Variants in KLF12 observed in about 807,000 individuals in gnomAD.
KLF12 encodes KLF transcription factor 12.
A neutral mutation model predicts 37.8 loss-of-function variants in KLF12; 9 were observed. The observed-to-expected ratio is 0.24, with a 90% CI of 0.14 to 0.42. The LOEUF is 0.42. Among genes scored for constraint, KLF12 ranks in the 10% least tolerant of loss-of-function variants. The pLI is 1.00. For synonymous variants in KLF12, 208 were observed against 202.1 expected (o/e 1.03, Z -0.25); for missense variants, 411 against 516.0 (o/e 0.80, Z 1.97).
At chr13:74,037,847 G>T (rs144042781) in intron 1 of KLF12, among the ~76,000 whole-genome samples, 3 of 152,232 alleles carry the variant, frequency 2.0e-5, no homozygotes, top group African/African-American at 4.8e-5. Context: ...CTTAATAACA[G>T]AAACATCTTA....
chr13:73,936,994 A>C (rs1034424156), intron 3 of KLF12, among the ~76,000 whole-genome samples: 12 of 152,256 alleles, frequency 7.9e-5, no homozygotes, highest in African/African-American at 2.9e-4. Flanking sequence ...GATCGAGACC[A>C]TCCTGGTCAA....
the KLF12 span, among the ~76,000 whole-genome samples, chr13:74,296,840 A>G: frequency 6.6e-6 from 1 of 152,170 alleles, no homozygotes. Context: ...GGGAACTGCT[A>G]TTTGTAACAG....
the KLF12 span, among the ~76,000 whole-genome samples, chr13:74,253,055 T>C: frequency 6.6e-6 from 1 of 152,130 alleles, no homozygotes; most frequent in African/African-American, 2.4e-5. Context: ...ATCTATCATC[T>C]ATCTATCATC....
At chr13:74,016,188 C>A (rs1410597421) in intron 1 of KLF12, among the ~76,000 whole-genome samples, 1 of 151,898 alleles carries the variant, frequency 6.6e-6, no homozygotes, top group African/African-American at 2.4e-5. Context: ...TGGATAAGTT[C>A]CTCCCAAGAG....
At chr13:74,199,446 G>T in the KLF12 span, among the ~76,000 whole-genome samples, 1 of 152,118 alleles carries the variant, frequency 6.6e-6, no homozygotes, top group Non-Finnish European at 1.5e-5. Flanking sequence ...TGAATTATTA[G>T]CCCTGCTGTA....
chr13:74,169,260 C>T, the KLF12 span, among the ~76,000 whole-genome samples: 1 of 152,134 alleles, frequency 6.6e-6, no homozygotes, highest in Non-Finnish European at 1.5e-5. Context: ...TGCAAGAGTT[C>T]TGTTCAGATA....
intron 1 of KLF12, among the ~76,000 whole-genome samples, chr13:74,012,447 T>C (rs1245620333): frequency 6.6e-6 from 1 of 152,192 alleles, no homozygotes; most frequent in Non-Finnish European, 1.5e-5. Flanking sequence ...CTTTTTTAAA[T>C]TGATAAAATA....
chr13:73,689,644 A>G lies in KLF12; in HGVS notation c.*5846T>C, dbSNP rs982229169. The G allele has an allele frequency of 3.9e-5, 6 of 152,218 alleles. No homozygotes were observed. The highest frequency in any genetic ancestry group is 4.8e-5 in the African/African-American group (2 of 41,458). 9.4% of individuals were successfully genotyped at this position (152,218 alleles called of 1,614,324 possible). A position where few individuals can be genotyped will look rare whatever the true frequency, so the allele number is the denominator to read the frequency against. On this transcript the variant is annotated 3_prime_UTR_variant, in exon 8 of 8. Transcript: ENST00000377669. Reference sequence around the variant, plus strand: ...TTAAAGGCTAGGCTTACTAAGTGTCAGTGGTACTTCAACAGACTTTTTGGG... The same window carrying G: ...TTAAAGGCTAGGCTTACTAAGTGTCGGTGGTACTTCAACAGACTTTTTGGG...
intron 1 of KLF12, among the ~76,000 whole-genome samples, chr13:74,044,444 T>A (rs1257827134): frequency 6.6e-6 from 1 of 151,904 alleles, no homozygotes; most frequent in Non-Finnish European, 1.5e-5. Context: ...TGGGTATGAG[T>A]ATGGCACATC....
At chr13:73,900,691 T>A (rs1265504136) in intron 3 of KLF12, among the ~76,000 whole-genome samples, 3 of 152,088 alleles carry the variant, frequency 2.0e-5, no homozygotes, top group African/African-American at 7.2e-5. Context: ...ACAATTGAAA[T>A]TGCATTCTTG....
chr13:73,989,519 C>G (rs528908164), intron 2 of KLF12, among the ~76,000 whole-genome samples: 1 of 152,118 alleles, frequency 6.6e-6, no homozygotes, highest in East Asian at 1.9e-4. Flanking sequence ...TCCCTCATGA[C>G]GTGGCAGAAG....
At chr13:74,214,672 C>G in the KLF12 span, among the ~76,000 whole-genome samples, 3 of 151,862 alleles carry the variant, frequency 2.0e-5, no homozygotes, top group African/African-American at 7.2e-5. Context: ...CTATTTCTCT[C>G]TGACAGCATT....
chr13:74,286,910 A>C, the KLF12 span, among the ~76,000 whole-genome samples: 434 of 152,340 alleles, frequency 2.8e-3, 3 homozygotes, highest in African/African-American at 9.6e-3. Flanking sequence ...GAGCCTTGGA[A>C]AGAATAGTCC....
intron 1 of KLF12, among the ~76,000 whole-genome samples, chr13:74,048,117 A>G (rs1470537800): frequency 1.3e-5 from 2 of 152,210 alleles, no homozygotes; most frequent in Non-Finnish European, 2.9e-5. Flanking sequence ...AACTGAAGAA[A>G]GAAGGACAAT....
At chr13:73,986,929 T>C (rs1391893285) in intron 2 of KLF12, among the ~76,000 whole-genome samples, 2 of 151,676 alleles carry the variant, frequency 1.3e-5, no homozygotes, top group Non-Finnish European at 2.9e-5. Flanking sequence ...AACTGTAAGA[T>C]AAATTTGTGT....
chr13:73,742,585 C>T (rs1878078940), intron 6 of KLF12, among the ~76,000 whole-genome samples: 1 of 152,156 alleles, frequency 6.6e-6, no homozygotes, highest in African/African-American at 2.4e-5. Flanking sequence ...CCCTTCCGCC[C>T]TGGCCCCTCC....
At chr13:74,195,310 G>A in the KLF12 span, among the ~76,000 whole-genome samples, 1 of 152,172 alleles carries the variant, frequency 6.6e-6, no homozygotes, top group African/African-American at 2.4e-5. Flanking sequence ...CAGACACAGA[G>A]GCCTCACAGC....
intron 3 of KLF12, among the ~76,000 whole-genome samples, chr13:73,911,121 A>G (rs1364941865): frequency 6.6e-6 from 1 of 152,204 alleles, no homozygotes; most frequent in Non-Finnish European, 1.5e-5. Context: ...TACCATGAAA[A>G]AAGATAAGCT....
chr13:73,804,881 C>A (rs1054974), intron 5 of KLF12, among the ~76,000 whole-genome samples: 3 of 152,026 alleles, frequency 2.0e-5, no homozygotes, highest in Non-Finnish European at 4.4e-5. Flanking sequence ...TAAATAAAAA[C>A]GAAGCATCTT....
Sources: allele counts gnomAD v4.1 joint callset (sites outside exome capture counted in the v4.1 genomes callset), GRCh38; gene constraint gnomAD v4.1.1; transcripts MANE v1.5; gene names NCBI Gene and HGNC (gene_info 2026-07-23, HGNC 2026-07-21).